TRAPPC9: variants seen among roughly 807,000 people sequenced by gnomAD.
TRAPPC9 encodes IKK2 binding protein.
TRAPPC9 carries 83 observed loss-of-function variants against 124.0 expected under a neutral mutation model. The observed-to-expected ratio is 0.67, with a 90% CI of 0.56 to 0.80. The LOEUF is 0.80. Ranked by LOEUF, TRAPPC9 falls within the 30% of genes least tolerant of loss-of-function variation. The pLI, the probability that TRAPPC9 is intolerant of heterozygous loss-of-function variation, is 0.00. For missense variants in TRAPPC9, 1,302 were observed against 1,508.3 expected (o/e 0.86, Z 2.27); for synonymous variants, 638 against 617.5 (o/e 1.03, Z -0.49).
intron 17 of TRAPPC9, among the ~76,000 whole-genome samples, chr8:140,105,661 T>C (rs1324670099): frequency 6.6e-6 from 1 of 152,190 alleles, no homozygotes; most frequent in African/African-American, 2.4e-5. Context: ...CTCCTAGATC[T>C]AGCAGTACCT....
chr8:139,947,989 A>G (rs1469405318), intron 19 of TRAPPC9, among the ~76,000 whole-genome samples: 10 of 148,450 alleles, frequency 6.7e-5, no homozygotes, highest in African/African-American at 2.5e-4. Flanking sequence ...TTTTGAGTCC[A>G]ACAGACCTGG....
intron 18 of TRAPPC9, among the ~76,000 whole-genome samples, chr8:140,006,393 T>C (rs1838752329): frequency 1.3e-5 from 2 of 152,350 alleles, no homozygotes; most frequent in Middle Eastern, 6.8e-3. Flanking sequence ...GATACTCATA[T>C]ACTATGGGAA....
chr8:140,262,874 G>A (rs1431109906), intron 15 of TRAPPC9: 1 of 152,256 alleles, frequency 6.6e-6, no homozygotes, highest in African/African-American at 2.4e-5. Context: ...AATTCTACTT[G>A]AAGGGCTCGG....
intron 18 of TRAPPC9, among the ~76,000 whole-genome samples, chr8:140,021,450 T>C (rs1839832561): frequency 6.6e-6 from 1 of 152,248 alleles, no homozygotes; most frequent in Non-Finnish European, 1.5e-5. Flanking sequence ...TAAATGTTCT[T>C]ATTTCTTTAA....
chr8:140,405,399 G>C, intron 6 of TRAPPC9, 178 bp downstream of exon 6: 1 of 658,606 alleles, frequency 1.5e-6, no homozygotes, highest in African/African-American at 1.8e-5. Context: ...AACCTACACT[G>C]TTTTGAATCA....
chr8:140,036,012 C>T (rs1323301559), intron 17 of TRAPPC9, among the ~76,000 whole-genome samples: 1 of 152,164 alleles, frequency 6.6e-6, no homozygotes. Context: ...CCTGACTGGG[C>T]TACACAGGGG....
intron 11 of TRAPPC9, among the ~76,000 whole-genome samples, chr8:140,298,656 A>ATTT (rs2065879889): frequency 5.5e-5 from 4 of 73,262 alleles, no homozygotes; most frequent in African/African-American, 2.1e-4. Context: ...TGTCTCAAAG[A>ATTT]AAAAAAAAAG....
chr8:139,817,077 C>CACACACACACACACACA (rs1824894516), intron 21 of TRAPPC9, among the ~76,000 whole-genome samples: 1 of 151,968 alleles, frequency 6.6e-6, no homozygotes, highest in Non-Finnish European at 1.5e-5. Flanking sequence ...CACACACACA[C>CACACACACACACACACA]ACCAGCCACT....
chr8:139,940,754 C>G (rs1361721818), intron 19 of TRAPPC9, among the ~76,000 whole-genome samples: 1 of 152,190 alleles, frequency 6.6e-6, no homozygotes, highest in Admixed American at 6.5e-5. Context: ...TTCCTCCTTC[C>G]CCACCTCATG....
chr8:140,255,501 A>G (rs2064231145), intron 15 of TRAPPC9, among the ~76,000 whole-genome samples: 1 of 152,232 alleles, frequency 6.6e-6, no homozygotes. Flanking sequence ...GATGGCTGGG[A>G]AAAGGATGAT....
chr8:140,251,999 C>CA (rs1245234717), intron 16 of TRAPPC9, among the ~76,000 whole-genome samples: 3 of 151,862 alleles, frequency 2.0e-5, no homozygotes, highest in Admixed American at 1.3e-4. Context: ...ATGAATGCTT[C>CA]ATAATTTGGC....
chr8:139,948,155 C>T (rs546367085), intron 19 of TRAPPC9, among the ~76,000 whole-genome samples: 5 of 151,362 alleles, frequency 3.3e-5, no homozygotes, highest in African/African-American at 7.3e-5. Context: ...CCGGGAACTA[C>T]GTTGTACCAG....
At chr8:140,188,450 A>G (rs2062399870) in intron 17 of TRAPPC9, among the ~76,000 whole-genome samples, 2 of 152,212 alleles carry the variant, frequency 1.3e-5, no homozygotes, top group South Asian at 4.1e-4. Context: ...TTCTCAGCAC[A>G]GCTGTTGGGA....
chr8:139,845,902 G>A (rs1035313826), intron 21 of TRAPPC9, among the ~76,000 whole-genome samples: 1 of 152,244 alleles, frequency 6.6e-6, no homozygotes, highest in Non-Finnish European at 1.5e-5. Context: ...CAGGCTGGCA[G>A]ATGAGACCGG....
At chr8:140,418,759 T>C (rs1564010805) in intron 5 of TRAPPC9, among the ~76,000 whole-genome samples, 1 of 150,464 alleles carries the variant, frequency 6.6e-6, no homozygotes, top group African/African-American at 2.4e-5. Flanking sequence ...GATAGATAGA[T>C]AGATAGATAG....
At chr8:140,361,397 G>T (rs765741352) in intron 8 of TRAPPC9, among the ~76,000 whole-genome samples, 3 of 152,198 alleles carry the variant, frequency 2.0e-5, no homozygotes, top group Non-Finnish European at 4.4e-5. Context: ...CAGGGCAGGT[G>T]GGCAAGGAGG....
At chr8:140,313,816 G>A (rs1318063808) in intron 9 of TRAPPC9, among the ~76,000 whole-genome samples, 4 of 152,134 alleles carry the variant, frequency 2.6e-5, no homozygotes, top group East Asian at 1.9e-4. Context: ...GCCTACTGCC[G>A]TGTGGTGCTC....
At chr8:140,183,875 A>T (rs1225409461) in intron 17 of TRAPPC9, among the ~76,000 whole-genome samples, 4 of 113,156 alleles carry the variant, frequency 3.5e-5, no homozygotes, top group Non-Finnish European at 7.3e-5. Flanking sequence ...GAAGAAGAAG[A>T]AGAAGAAGAA....
intron 19 of TRAPPC9, among the ~76,000 whole-genome samples, chr8:139,949,904 T>C (rs1230697792): frequency 1.3e-5 from 2 of 152,206 alleles, no homozygotes; most frequent in African/African-American, 4.8e-5. Context: ...AAAGGATATG[T>C]TAATTACATC....
Sources: allele counts gnomAD v4.1 joint callset (sites outside exome capture counted in the v4.1 genomes callset), GRCh38; gene constraint gnomAD v4.1.1; transcripts MANE v1.5; gene names NCBI Gene and HGNC (gene_info 2026-07-23, HGNC 2026-07-21).